Variants in FSIP1 observed in about 807,000 individuals in gnomAD.
FSIP1 encodes the protein fibrous sheath-interacting protein 1.
In FSIP1, 65 loss-of-function variants were observed where a neutral mutation model predicts 60.9. The ratio of observed to expected loss-of-function variants is 1.07; its 90% CI spans 0.87 to 1.31. The LOEUF (loss-of-function observed/expected upper bound fraction) is 1.31, where lower values mean the gene tolerates loss of function less well. Ranked by LOEUF, FSIP1 falls within the 40% of genes most tolerant of loss-of-function variation. The pLI, the probability that FSIP1 is intolerant of heterozygous loss-of-function variation, is 0.00. For synonymous variants in FSIP1, 209 were observed against 221.2 expected, an observed-to-expected ratio of 0.94 and a Z score of 0.49; for missense variants, 675 against 665.5, an observed-to-expected ratio of 1.01 and a Z score of -0.16.
At chr15:39,735,591 T>C (rs1047584101) in intron 8 of FSIP1, among the ~76,000 whole-genome samples, 1 of 152,202 alleles carries the variant, frequency 6.6e-6, no homozygotes, top group African/African-American at 2.4e-5. Flanking sequence ...TACTGTAGAC[T>C]TTATAAACAC....
chr15:39,763,735 A>C, intron 5 of FSIP1, 86 bp downstream of exon 5: 1 of 747,866 alleles, frequency 1.3e-6, no homozygotes, highest in Non-Finnish European at 2.4e-6. Flanking sequence ...AACAGGACAG[A>C]AAAACTGGAT....
In FSIP1 at chr15:39,617,620, C is replaced by T. The variant is rs369272010; in HGVS notation, c.1699+115G>A. 6.5e-5 allele frequency: 54 copies of T among 833,162 alleles called. No homozygotes were observed. The African/African-American group carries it at 8.7e-4, about 13-fold the overall frequency. The allele number at this position is 833,162 out of a possible 1,614,324, so 51.6% of individuals were successfully genotyped here. ...TTATGTTTGCATACTCTTATTGACG[C>T]TACCTGTGACTTACAAACATACCTT... On this transcript the variant is annotated intron_variant, in intron 11 of 11. Coordinates refer to ENST00000350221, the MANE Select transcript of FSIP1 (RefSeq NM_152597.5).
chr15:39,689,074 T>C (rs1455044817), intron 10 of FSIP1, among the ~76,000 whole-genome samples: 1 of 152,164 alleles, frequency 6.6e-6, no homozygotes, highest in African/African-American at 2.4e-5. Flanking sequence ...GTTCCCATGA[T>C]CCACTCTTCA....
At chr15:39,733,946 C>T (rs1038326495) in intron 8 of FSIP1, among the ~76,000 whole-genome samples, 3 of 152,058 alleles carry the variant, frequency 2.0e-5, no homozygotes, top group African/African-American at 7.3e-5. Flanking sequence ...CAATCACATT[C>T]TCAACTGATA....
chr15:39,756,268 T>C (rs1224222843), intron 5 of FSIP1, among the ~76,000 whole-genome samples: 1 of 152,164 alleles, frequency 6.6e-6, no homozygotes, highest in Non-Finnish European at 1.5e-5. Flanking sequence ...GTTGCTTATT[T>C]GTGATGTTAT....
intron 10 of FSIP1, among the ~76,000 whole-genome samples, chr15:39,692,685 A>G (rs1044457187): frequency 1.3e-5 from 2 of 152,224 alleles, no homozygotes; most frequent in Non-Finnish European, 2.9e-5. Context: ...GTGCCTATGA[A>G]TTAAAGCAGG....
At chr15:39,674,095 C>T (rs1282435834) in intron 10 of FSIP1, among the ~76,000 whole-genome samples, 1 of 151,514 alleles carries the variant, frequency 6.6e-6, no homozygotes, top group African/African-American at 2.4e-5. Flanking sequence ...CGCTCTGTCG[C>T]CCAGGCTGGA....
chr15:39,780,261 C>A (rs1234585486), intron 1 of FSIP1, among the ~76,000 whole-genome samples: 1 of 152,194 alleles, frequency 6.6e-6, no homozygotes, highest in Non-Finnish European at 1.5e-5. Flanking sequence ...CGGTGGCTCA[C>A]GCCTGTAATC....
intron 10 of FSIP1, among the ~76,000 whole-genome samples, chr15:39,670,548 C>G (rs1893678980): frequency 6.6e-6 from 1 of 152,150 alleles, no homozygotes; most frequent in African/African-American, 2.4e-5. Context: ...GTGGTGCGAT[C>G]ATAGCTCACT....
chr15:39,681,007 C>A (rs1894137906), intron 10 of FSIP1, among the ~76,000 whole-genome samples: 1 of 152,160 alleles, frequency 6.6e-6, no homozygotes, highest in Non-Finnish European at 1.5e-5. Context: ...CAGCCACATA[C>A]ACAATAAATT....
intron 2 of FSIP1, among the ~76,000 whole-genome samples, 168 bp downstream of exon 2, chr15:39,776,231 A>C (rs111957088): frequency 0.032 from 4,729 of 149,652 alleles, 309 homozygotes; most frequent in African/African-American, 0.11. Context: ...GGAATGGAGT[A>C]GAGTTTTTTC....
intron 9 of FSIP1, among the ~76,000 whole-genome samples, chr15:39,721,941 G>C (rs1007307254): frequency 3.9e-5 from 6 of 152,170 alleles, no homozygotes; most frequent in African/African-American, 1.4e-4. Context: ...CCATCTGGGA[G>C]CTTAATTTGT....
chr15:39,726,672 T>A lies in FSIP1; in HGVS notation c.967A>T (p.Ile323Phe). ...GAGAGTTCTTGGAGTTTTATATCAA[T>A]TTCAGCAAGCTGCTGATGCTGGGTG... Reference protein sequence around the residue: ...AVTQHQQLAEIDIKLQELSAA... With the variant: ...AVTQHQQLAEFDIKLQELSAA... Residue 323 changes from isoleucine to phenylalanine, a missense_variant, in exon 9 of 12, where the codon ATT becomes TTT. Ile to Phe is a conservative substitution (Grantham distance 21). Coordinates refer to ENST00000350221, the MANE Select transcript of FSIP1 (RefSeq NM_152597.5). 6.2e-7 allele frequency: 1 copy of A among 1,614,042 alleles called. No homozygotes were observed. Among genetic ancestry groups the A allele is most frequent in the Non-Finnish European group, 8.5e-7 (1 of 1,179,926 alleles).
chr15:39,777,698 G>A (rs1004291903), intron 1 of FSIP1, among the ~76,000 whole-genome samples: 2 of 152,204 alleles, frequency 1.3e-5, no homozygotes, highest in Admixed American at 1.3e-4. Context: ...GGAAGAAAGA[G>A]GGTAATTCCA....
At chr15:39,669,046 G>GGGC (rs1566877540) in intron 10 of FSIP1, among the ~76,000 whole-genome samples, 1 of 152,138 alleles carries the variant, frequency 6.6e-6, no homozygotes, top group East Asian at 1.9e-4. Flanking sequence ...ACACAGAGAG[G>GGGC]TGCCACTCCA....
At chr15:39,729,820 A>C (rs145699800) in intron 8 of FSIP1, among the ~76,000 whole-genome samples, 5 of 152,262 alleles carry the variant, frequency 3.3e-5, no homozygotes, top group African/African-American at 1.2e-4. Flanking sequence ...TCTCACTTAT[A>C]AGTGGGAGCT....
At chr15:39,709,254 T>C (rs1694745494) in intron 10 of FSIP1, among the ~76,000 whole-genome samples, 1 of 152,162 alleles carries the variant, frequency 6.6e-6, no homozygotes, top group South Asian at 2.1e-4. Flanking sequence ...ACAGATTACC[T>C]CTTCCACCAG....
chr15:39,693,473 C>T (rs770439739), intron 10 of FSIP1, among the ~76,000 whole-genome samples: 1 of 152,162 alleles, frequency 6.6e-6, no homozygotes, highest in African/African-American at 2.4e-5. Flanking sequence ...TAAGTCTCTG[C>T]GAAGGAATCA....
intron 9 of FSIP1, among the ~76,000 whole-genome samples, chr15:39,718,653 C>T (rs1895842206): frequency 1.3e-5 from 2 of 151,896 alleles, no homozygotes; most frequent in African/African-American, 2.4e-5. Context: ...CACACCACCT[C>T]GCCTGGCTGA....
Sources: gnomAD v4.1 joint callset for allele counts (sites outside exome capture counted in the v4.1 genomes callset) on GRCh38, gnomAD v4.1.1 for gene constraint, MANE v1.5 for transcripts, NCBI Gene and HGNC (gene_info 2026-07-23, HGNC 2026-07-21) for gene names.